The following KCNAB1 variants were observed in gnomAD, a reference collection of about 807,000 sequenced individuals.
KCNAB1 encodes potassium voltage-gated channel subfamily A regulatory beta subunit 1, also known as voltage-gated potassium channel subunit beta-1.
A neutral mutation model predicts 64.6 loss-of-function variants in KCNAB1; 35 were observed. The observed-to-expected ratio is 0.54, with a 90% CI of 0.41 to 0.72. KCNAB1 has a LOEUF of 0.72. KCNAB1 is among the 30% of genes least tolerant of loss of function. The pLI, the probability that KCNAB1 is intolerant of heterozygous loss-of-function variation, is 0.00. For missense variants in KCNAB1, 401 were observed against 512.9 expected, an observed-to-expected ratio of 0.78 and a Z score of 2.11; for synonymous variants, 177 against 183.8, an observed-to-expected ratio of 0.96 and a Z score of 0.30.
At chr3:156,532,760 T>A (rs536876297) in intron 13 of KCNAB1, among the ~76,000 whole-genome samples, 1 of 152,314 alleles carries the variant, frequency 6.6e-6, no homozygotes, top group East Asian at 1.9e-4. Context: ...TGTAGCTACG[T>A]GAGGAATTCT....
chr3:156,245,899 G>A (rs1001735408), intron 1 of KCNAB1, among the ~76,000 whole-genome samples: 2 of 152,030 alleles, frequency 1.3e-5, no homozygotes, highest in African/African-American at 4.8e-5. Context: ...TAGGATCATG[G>A]TGTTGAGTTG....
At chr3:156,532,583 T>C (rs367662732) in intron 13 of KCNAB1, among the ~76,000 whole-genome samples, 68 of 152,316 alleles carry the variant, frequency 4.5e-4, no homozygotes, top group African/African-American at 1.3e-3. Context: ...ATTTAAAATC[T>C]TTTTTAAAAA....
intron 2 of KCNAB1, among the ~76,000 whole-genome samples, chr3:156,451,247 T>TG (rs1332816736): frequency 6.6e-6 from 1 of 152,220 alleles, no homozygotes; most frequent in Admixed American, 6.5e-5. Context: ...CAAGGCGCCC[T>TG]GTGGGCTGCC....
At chr3:156,155,714 G>A (rs1036283799) in intron 1 of KCNAB1, among the ~76,000 whole-genome samples, 1 of 152,202 alleles carries the variant, frequency 6.6e-6, no homozygotes, top group Non-Finnish European at 1.5e-5. Context: ...TGTCAAGAAG[G>A]TAAAGGGGAG....
At chr3:156,391,403 T>C (rs984524119) in intron 1 of KCNAB1, among the ~76,000 whole-genome samples, 1 of 152,230 alleles carries the variant, frequency 6.6e-6, no homozygotes, top group African/African-American at 2.4e-5. Flanking sequence ...AAAATTTTCC[T>C]TTTGTTTATG....
chr3:156,120,696 G>C lies in KCNAB1; in HGVS notation c.85G>C (p.Ala29Pro), dbSNP rs72558048. Residue 29 changes from alanine (A) to proline (P), a missense_variant, in exon 1 of 14, where the codon GCA (alanine) becomes CCA (proline). Physicochemically the swap from Ala to Pro is conservative, Grantham distance 27. Transcript: ENST00000490337. The part of the protein sequence containing the change: ...KLRRQSGFSV[A>P]GKDKSPKKAS... ...AAGGAGACAGTCTGGGTTTTCTGTA[G>C]CAGGGAAAGACAAATCTCCCAAGAA... 3,246 of 1,614,230 alleles carry C rather than the reference G, an allele frequency of 2.0e-3. 59 individuals are homozygous for C. In the African/African-American group the frequency reaches 0.038, roughly 19 times the overall value.
chr3:156,118,775 T>C (rs989295205), upstream of KCNAB1, among the ~76,000 whole-genome samples: 15 of 152,170 alleles, frequency 9.9e-5, no homozygotes, highest in South Asian at 2.1e-4. Flanking sequence ...CACAGTTCCA[T>C]TGCAGAGCCC....
At chr3:156,131,789 G>A (rs2108265969) in intron 1 of KCNAB1, among the ~76,000 whole-genome samples, 1 of 152,330 alleles carries the variant, frequency 6.6e-6, no homozygotes, top group Middle Eastern at 3.4e-3. Flanking sequence ...TCCGACCAGG[G>A]GTGGGAAGGG....
intron 1 of KCNAB1, among the ~76,000 whole-genome samples, chr3:156,284,215 A>C (rs1297586214): frequency 6.6e-6 from 1 of 152,094 alleles, no homozygotes; most frequent in Non-Finnish European, 1.5e-5. Context: ...GGTCTGTTGG[A>C]GTACCCTGCC....
At position 156,537,210 on chromosome 3, in the gene KCNAB1, G is replaced by T. The variant is rs1235830934; in HGVS notation, c.*463G>T. 1.6e-5 allele frequency: 6 copies of T among 376,342 alleles called. No individual in the cohort carries two copies. The highest frequency in any genetic ancestry group is 4.6e-5 in the Admixed American group (1 of 21,528). 23.3% of individuals were successfully genotyped at this position (376,342 alleles called of 1,614,324 possible). On this transcript the variant is annotated 3_prime_UTR_variant, in exon 14 of 14. Transcript: ENST00000490337. ...TTCTTAGTAAATAGATTATTGTTAA[G>T]TAAATAGTTATTAAAAATATATCTC...
chr3:156,247,106 C>G (rs938845948), intron 1 of KCNAB1, among the ~76,000 whole-genome samples: 1 of 152,170 alleles, frequency 6.6e-6, no homozygotes, highest in Non-Finnish European at 1.5e-5. Flanking sequence ...TCAGACTGAT[C>G]TTGGCTGCAC....
Position 156,514,422 on chromosome 3 carries a change from C to T in KCNAB1, c.717C>T (p.Thr239=). Residue 239 remains threonine, a synonymous_variant, in exon 9 of 14, where the codon ACC becomes ACT. Coordinates refer to ENST00000490337, the MANE Select transcript of KCNAB1 (RefSeq NM_172160.3). The stretch of plus-strand genomic sequence containing the variant: ...AAGGCATGGCGATGTACTGGGGCAC[C>T]TCGAGATGGAGTGCTATGGAGATCA... The part of the protein sequence containing the change: ...INQGMAMYWG[T]SRWSAMEIME... 1 of 1,613,852 alleles carries T rather than the reference C, an allele frequency of 6.2e-7. No homozygotes were observed. Among genetic ancestry groups the T allele is most frequent in the South Asian group, 1.1e-5 (1 of 91,064 alleles).
chr3:156,419,325 AC>A (rs1715307431), intron 1 of KCNAB1, among the ~76,000 whole-genome samples: 1 of 151,918 alleles, frequency 6.6e-6, no homozygotes, highest in African/African-American at 2.4e-5. Context: ...ACACAGTGAA[AC>A]CCATCTCTAC....
chr3:156,278,821 A>C (rs911312902), intron 1 of KCNAB1, among the ~76,000 whole-genome samples: 1 of 152,188 alleles, frequency 6.6e-6, no homozygotes, highest in Non-Finnish European at 1.5e-5. Context: ...CTTTCAAAAA[A>C]AAATGCTACA....
chr3:156,472,909 C>T (rs1714035128), intron 7 of KCNAB1, among the ~76,000 whole-genome samples: 1 of 152,182 alleles, frequency 6.6e-6, no homozygotes, highest in African/African-American at 2.4e-5. Context: ...CTGTCTGTGA[C>T]ATGCCTGATC....
chr3:156,416,324 C>T (rs575852531), intron 1 of KCNAB1, among the ~76,000 whole-genome samples: 2 of 152,296 alleles, frequency 1.3e-5, no homozygotes, highest in South Asian at 4.1e-4. Flanking sequence ...CATGTAGAGC[C>T]ACTCAACCCT....
At chr3:156,388,076 T>C (rs775559586) in intron 1 of KCNAB1, among the ~76,000 whole-genome samples, 1 of 152,238 alleles carries the variant, frequency 6.6e-6, no homozygotes, top group Non-Finnish European at 1.5e-5. Context: ...CTCTGTTATC[T>C]ATGCTTGGAA....
chr3:156,534,944 T>C (rs1399376993), intron 13 of KCNAB1, among the ~76,000 whole-genome samples: 1 of 152,250 alleles, frequency 6.6e-6, no homozygotes, highest in East Asian at 1.9e-4. Flanking sequence ...ATCTCTTTCC[T>C]ATAGAGATTT....
rs529928512 is a variant in KCNAB1, at chr3:156,184,767, G to C, written c.275+63881G>C. ...TGAAGGTAAGTAAGGTCAGTTCTAA[G>C]CAAAACTGGGAAGTCTGCCAAAGTG... On this transcript the variant is annotated intron_variant, in intron 1 of 13. Coordinates refer to ENST00000490337, the MANE Select transcript of KCNAB1 (RefSeq NM_172160.3). 1.2e-3 allele frequency among the ~76,000 whole-genome samples: 188 copies of C among 152,250 alleles called. 1 individual carries two copies. Among genetic ancestry groups the C allele is most frequent in the Non-Finnish European group, 2.2e-3 (150 of 68,026 alleles).
Sources: gnomAD v4.1 joint callset for allele counts (sites outside exome capture counted in the v4.1 genomes callset) on GRCh38, gnomAD v4.1.1 for gene constraint, MANE v1.5 for transcripts, NCBI Gene and HGNC (gene_info 2026-07-23, HGNC 2026-07-21) for gene names.